Variants in SBF2 observed in about 807,000 individuals in gnomAD.
SBF2 encodes myotubularin-related protein 13.
A neutral mutation model predicts 225.2 loss-of-function variants in SBF2; 112 were observed. The observed-to-expected ratio is 0.50, with a 90% confidence interval of 0.43 to 0.58. The LOEUF (loss-of-function observed/expected upper bound fraction) is 0.58. SBF2 is among the 20% of genes least tolerant of loss of function. SBF2 has a pLI of 0.00. For synonymous variants in SBF2, 763 were observed against 773.3 expected, an observed-to-expected ratio of 0.99 and a Z score of 0.22; for missense variants, 1,996 against 2,206.2, an observed-to-expected ratio of 0.90 and a Z score of 1.91.
intron 13 of SBF2, among the ~76,000 whole-genome samples, chr11:9,969,909 G>C (rs1867214119): frequency 6.6e-6 from 1 of 152,230 alleles, no homozygotes. Flanking sequence ...CTTAATGAGG[G>C]GGACACAATG....
chr11:10,230,866 G>C (rs975260108), intron 1 of SBF2, among the ~76,000 whole-genome samples: 16 of 152,156 alleles, frequency 1.1e-4, no homozygotes, highest in African/African-American at 2.9e-4. Flanking sequence ...TGCCTTGCTA[G>C]ATTGGGGAAG....
chr11:10,304,468 CT>C (rs1964629749), intron 1 of SBF2, among the ~76,000 whole-genome samples: 1 of 152,176 alleles, frequency 6.6e-6, no homozygotes, highest in Non-Finnish European at 1.5e-5. Flanking sequence ...TTTTCTGAGC[CT>C]TGTCCCTACC....
In SBF2 at chr11:9,814,401, T is replaced by G. The variant is rs370656215; in HGVS notation, c.3979-1693A>C. ...ATGGTTAAGATGGTAAATCTTGTTA[T>G]GTGTATTTTATAATTTTTCCTTTGT... On this transcript the variant is annotated intron_variant, in intron 29 of 39. Coordinates refer to ENST00000256190, the MANE Select transcript of SBF2 (RefSeq NM_030962.4). 3.3e-5 allele frequency among the ~76,000 whole-genome samples: 5 copies of G among 152,340 alleles called. 1 individual carries two copies. The highest frequency in any genetic ancestry group is 1.2e-4 in the African/African-American group (5 of 41,578).
chr11:9,797,251 G>A (rs896758613), intron 32 of SBF2, among the ~76,000 whole-genome samples: 2 of 152,170 alleles, frequency 1.3e-5, no homozygotes, highest in East Asian at 1.9e-4. Context: ...ATTTAAAGTC[G>A]TGATCTGGAT....
chr11:9,798,664 G>A (rs944283054), intron 32 of SBF2, among the ~76,000 whole-genome samples: 16 of 152,076 alleles, frequency 1.1e-4, no homozygotes, highest in African/African-American at 3.9e-4. Flanking sequence ...AAAGCCTCAA[G>A]GGCCAGGCGT....
At chr11:10,119,366 TAA>T (rs1262960040) in intron 2 of SBF2, among the ~76,000 whole-genome samples, 1 of 152,082 alleles carries the variant, frequency 6.6e-6, no homozygotes, top group African/African-American at 2.4e-5. Context: ...AGAAAAGAAT[TAA>T]AGAGATATAC....
chr11:9,996,475 C>T (rs767968650), intron 9 of SBF2, among the ~76,000 whole-genome samples: 4 of 152,124 alleles, frequency 2.6e-5, no homozygotes, highest in African/African-American at 4.8e-5. Flanking sequence ...CTGCAACCTC[C>T]GCCTCCCAGG....
At chr11:9,950,783 T>C (rs1398623115) in intron 16 of SBF2, among the ~76,000 whole-genome samples, 2 of 152,208 alleles carry the variant, frequency 1.3e-5, no homozygotes, top group African/African-American at 2.4e-5. Context: ...CAAAAGCTAC[T>C]GGCCTGTGAA....
At chr11:10,062,560 T>C (rs1272753946) in intron 2 of SBF2, among the ~76,000 whole-genome samples, 1 of 152,080 alleles carries the variant, frequency 6.6e-6, no homozygotes, top group African/African-American at 2.4e-5. Context: ...AAAAAAGACA[T>C]ACATGTGGCC....
Position 10,106,393 on chromosome 11 carries a change from G to A in SBF2, c.142-63412C>T, listed in dbSNP as rs551300217. Among the ~76,000 whole-genome samples the A allele has an allele frequency of 3.0e-4, 46 of 152,138 alleles. 1 individual carries two copies. Among genetic ancestry groups the A allele is most frequent in the Non-Finnish European group, 4.6e-4 (31 of 68,032 alleles). ...TGTAATCCCAGGACTTTGGGAGGCC[G>A]AGGCAGGCGGCTCACCTGAGGTCAG... On this transcript the variant is annotated intron_variant, in intron 2 of 39. Coordinates refer to ENST00000256190, the MANE Select transcript of SBF2 (RefSeq NM_030962.4).
chr11:9,887,298 T>C (rs145090695), intron 17 of SBF2, among the ~76,000 whole-genome samples: 37 of 152,156 alleles, frequency 2.4e-4, no homozygotes, highest in African/African-American at 8.2e-4. Flanking sequence ...ATAAGTGTTC[T>C]AGAGCTTCTG....
At position 10,272,069 on chromosome 11, in the gene SBF2, G is replaced by C. The variant is rs1962525865; in HGVS notation, c.55+21946C>G. 2.0e-5 allele frequency: 23 copies of C among 1,141,444 alleles called. 7 individuals carry two copies. Among genetic ancestry groups the C allele is most frequent in the Non-Finnish European group, 2.8e-5 (23 of 812,376 alleles). The allele number at this position is 1,141,444 out of a possible 1,614,324, so 70.7% of individuals were successfully genotyped here. A position where few individuals can be genotyped will look rare whatever the true frequency, so the allele number is the denominator to read the frequency against. ...CTCGAGTCTTCAGAGTAAAGCACAGGATCTAGGCTCCCGGAAGGGGTTACT... is the reference window on the plus strand; with the variant it reads ...CTCGAGTCTTCAGAGTAAAGCACAGCATCTAGGCTCCCGGAAGGGGTTACT... On this transcript the variant is annotated intron_variant, in intron 1 of 39. Transcript: ENST00000256190.
At chr11:9,885,249 T>TC (rs1860171452) in intron 17 of SBF2, among the ~76,000 whole-genome samples, 2 of 17,564 alleles carry the variant, frequency 1.1e-4, no homozygotes, top group Non-Finnish European at 2.2e-4. Context: ...AAACTTTTCC[T>TC]CCAAAAAAAA....
chr11:9,996,610 C>T (rs1410553148), intron 9 of SBF2, among the ~76,000 whole-genome samples: 2 of 151,936 alleles, frequency 1.3e-5, no homozygotes, highest in Non-Finnish European at 2.9e-5. Flanking sequence ...AGGCTGGTCT[C>T]GAACTCCTGA....
chr11:10,106,200 A>G (rs978190451), intron 2 of SBF2, among the ~76,000 whole-genome samples: 2 of 152,178 alleles, frequency 1.3e-5, no homozygotes, highest in Non-Finnish European at 2.9e-5. Context: ...TTCCCTCTGT[A>G]GTTTTTAATA....
chr11:10,063,669 A>G (rs1202683654), intron 2 of SBF2, among the ~76,000 whole-genome samples: 1 of 151,826 alleles, frequency 6.6e-6, no homozygotes, highest in African/African-American at 2.4e-5. Flanking sequence ...AAATTTTTTA[A>G]AAGTTAGAAA....
chr11:9,878,998 C>A (rs1259516841), intron 17 of SBF2, among the ~76,000 whole-genome samples: 3 of 152,214 alleles, frequency 2.0e-5, no homozygotes, highest in Non-Finnish European at 4.4e-5. Flanking sequence ...TGCAAAGCTG[C>A]AGAAATTAAA....
intron 2 of SBF2, among the ~76,000 whole-genome samples, chr11:10,066,182 T>C (rs1311445373): frequency 6.6e-6 from 1 of 151,918 alleles, no homozygotes; most frequent in African/African-American, 2.4e-5. Context: ...CAAACTCTTC[T>C]AAAAAAACGG....
At chr11:9,839,344 T>C (rs555823288) in intron 26 of SBF2, 154 bp downstream of exon 26, 6 of 776,018 alleles carry the variant, frequency 7.7e-6, no homozygotes, top group Non-Finnish European at 1.3e-5. Context: ...GTTCCGAGAA[T>C]GCCAATGAGA....
Sources: gnomAD v4.1 joint callset for allele counts (sites outside exome capture counted in the v4.1 genomes callset) on GRCh38, gnomAD v4.1.1 for gene constraint, MANE v1.5 for transcripts, NCBI Gene and HGNC (gene_info 2026-07-23, HGNC 2026-07-21) for gene names.